FAT1: variants seen among roughly 807,000 people sequenced by gnomAD.
FAT1 encodes protocadherin Fat 1.
Under a neutral mutation model 329.8 loss-of-function variants are expected in FAT1, and 171 were observed. The observed-to-expected ratio is 0.52, with a 90% CI of 0.46 to 0.59. The LOEUF (loss-of-function observed/expected upper bound fraction) is 0.59. Ranked by LOEUF, FAT1 falls within the 20% of genes least tolerant of loss-of-function variation. FAT1 has a pLI of 0.00. For synonymous variants in FAT1, 2,233 were observed against 2,228.6 expected, an observed-to-expected ratio of 1.00 and a Z score of -0.06; for missense variants, 5,672 against 5,774.4, an observed-to-expected ratio of 0.98 and a Z score of 0.57.
chr4:186,665,834 C>T (rs1742411326), intron 2 of FAT1, among the ~76,000 whole-genome samples: 1 of 152,084 alleles, frequency 6.6e-6, no homozygotes, highest in African/African-American at 2.4e-5. Context: ...GGCACCTACA[C>T]ACCATGGAAT....
intron 2 of FAT1, among the ~76,000 whole-genome samples, chr4:186,696,333 T>C (rs1031632720): frequency 3.3e-5 from 5 of 152,198 alleles, no homozygotes; most frequent in African/African-American, 1.2e-4. Flanking sequence ...AATAACTGAT[T>C]TCCATTTTGT....
intron 2 of FAT1, among the ~76,000 whole-genome samples, chr4:186,668,109 C>CTA (rs1470637865): frequency 1.3e-5 from 2 of 152,096 alleles, no homozygotes; most frequent in African/African-American, 4.8e-5. Context: ...TACCTAGGCG[C>CTA]TATTATAGGC....
chr4:186,667,020 C>G (rs773506950), intron 2 of FAT1, among the ~76,000 whole-genome samples: 1 of 152,230 alleles, frequency 6.6e-6, no homozygotes, highest in Non-Finnish European at 1.5e-5. Context: ...CTATTTCATC[C>G]ACCTGTTCTA....
chr4:186,605,920 C>G, intron 17 of FAT1, 150 bp downstream of exon 17: 1 of 686,166 alleles, frequency 1.5e-6, no homozygotes, highest in Non-Finnish European at 2.5e-6. Flanking sequence ...CTTTAAAATG[C>G]TCATCTTTTA....
intron 24 of FAT1, among the ~76,000 whole-genome samples, chr4:186,597,473 AGTTT>A (rs1219051162): frequency 6.6e-6 from 1 of 152,104 alleles, no homozygotes; most frequent in African/African-American, 2.4e-5. Flanking sequence ...GCTAAACATT[AGTTT>A]TTTTCAAGTA....
intron 9 of FAT1, 34 bp downstream of exon 9, chr4:186,628,120 A>C: frequency 6.3e-7 from 1 of 1,598,826 alleles, no homozygotes; most frequent in Non-Finnish European, 8.5e-7. Context: ...TAACAACTGC[A>C]AATTTAAAAT....
chr4:186,612,483 A>C (rs1388671436), intron 13 of FAT1, among the ~76,000 whole-genome samples: 1 of 152,148 alleles, frequency 6.6e-6, no homozygotes. Flanking sequence ...TGCAGAACCG[A>C]TGCTTTAAAA....
rs566907089 is a variant in FAT1 at position 186,708,190 on chromosome 4, C to T, written c.1638G>A (p.Pro546=). 174 of 1,613,964 alleles carry T rather than the reference C, an allele frequency of 1.1e-4. 1 individual carries two copies. Among genetic ancestry groups the T allele is most frequent in the South Asian group, 3.6e-4 (33 of 91,078 alleles). ...LRIRASDWGL[P]YRREVEVLAT... is the part of the protein sequence containing the mutation. Reference sequence around the variant, plus strand: ...CAAGGACTTCGACTTCCCGGCGGTACGGCAAGCCCCAGTCTGATGCACGAA... The same window carrying T: ...CAAGGACTTCGACTTCCCGGCGGTATGGCAAGCCCCAGTCTGATGCACGAA... The change falls in exon 2 of 27, where the codon CCG becomes CCA. Residue 546 remains proline (P), a synonymous_variant. Transcript: ENST00000441802.
chr4:186,641,699 T>C (rs2126575332), intron 3 of FAT1, among the ~76,000 whole-genome samples: 1 of 152,288 alleles, frequency 6.6e-6, no homozygotes, highest in South Asian at 2.1e-4. Context: ...TGTACCTGTG[T>C]CCATACTACC....
chr4:186,701,993 CCGACCCCCACACAGG>C (rs1242536040), intron 2 of FAT1, among the ~76,000 whole-genome samples: 2 of 99,092 alleles, frequency 2.0e-5, no homozygotes, highest in African/African-American at 1.1e-4. Flanking sequence ...AGGCCAGGAG[CCGACCCCCACACAGG>C]TGACACAGAC....
intron 18 of FAT1, among the ~76,000 whole-genome samples, 196 bp downstream of exon 18, chr4:186,604,181 C>G (rs148797482): frequency 1.5e-3 from 222 of 152,278 alleles, no homozygotes; most frequent in African/African-American, 5.2e-3. Context: ...CTGTCAATGA[C>G]TATGACAGAA....
chr4:186,588,550 T>A lies in FAT1; in HGVS notation c.*42A>T. 6.3e-7 allele frequency: 1 copy of A among 1,579,024 alleles called. No homozygotes were observed. Among genetic ancestry groups the A allele is most frequent in the Non-Finnish European group, 8.6e-7 (1 of 1,164,510 alleles). On this transcript the variant is annotated 3_prime_UTR_variant, in exon 27 of 27. Coordinates refer to ENST00000441802, the MANE Select transcript of FAT1 (RefSeq NM_005245.4). ...AACAGCGCGGATTACTCACATCACC[T>A]CTAGGTTCACTAAAGTCAGGCACTT...
chr4:186,667,988 G>A (rs1742534204), intron 2 of FAT1, among the ~76,000 whole-genome samples: 1 of 152,132 alleles, frequency 6.6e-6, no homozygotes, highest in African/African-American at 2.4e-5. Context: ...CTATAACCAT[G>A]AGGAAAGGCC....
intron 3 of FAT1, among the ~76,000 whole-genome samples, chr4:186,651,667 C>T (rs1052018101): frequency 6.6e-6 from 1 of 152,162 alleles, no homozygotes; most frequent in Non-Finnish European, 1.5e-5. Context: ...ACTAGTCCAC[C>T]GGCAGGGAGG....
intron 20 of FAT1, among the ~76,000 whole-genome samples, chr4:186,602,579 C>G (rs1393766564): frequency 6.6e-6 from 1 of 152,140 alleles, no homozygotes; most frequent in Non-Finnish European, 1.5e-5. Context: ...AGGGAAAAGG[C>G]AACAGGGAGA....
At position 186,707,807 on chromosome 4, in the gene FAT1, C is replaced by A. The variant is rs773076645; in HGVS notation, c.2021G>T (p.Cys674Phe). The A allele has an allele frequency of 6.2e-7, 1 of 1,613,708 alleles. No individual in the cohort carries two copies. Among genetic ancestry groups the A allele is most frequent in the Non-Finnish European group, 8.5e-7 (1 of 1,179,884 alleles). Residue 674 changes from cysteine (C) to phenylalanine (F), a missense_variant, in exon 2 of 27, where the codon TGT becomes TTT. Cys to Phe is a radical substitution (Grantham distance 205). Coordinates refer to ENST00000441802, the MANE Select transcript of FAT1 (RefSeq NM_005245.4). ...AASHKLVNLQCEETGVAKMLA... is the reference protein window; with the variant it reads ...AASHKLVNLQFEETGVAKMLA... ...CATTTTGGCAACACCAGTCTCTTCA[C>A]ACTGCAAGTTTACCAGCTTGTGACT...
At chr4:186,647,718 CTT>C (rs1741446134) in intron 3 of FAT1, among the ~76,000 whole-genome samples, 1 of 152,124 alleles carries the variant, frequency 6.6e-6, no homozygotes, top group South Asian at 2.1e-4. Flanking sequence ...CTCTGAAACA[CTT>C]TCATATATTC....
rs1738107396 is a variant in FAT1, at chr4:186,589,049, G to A, written c.13310C>T (p.Pro4437Leu). Residue 4437 changes from proline (P) to leucine (L), a missense_variant, in exon 27 of 27, where the codon CCA becomes CTA. Physicochemically the swap from Pro to Leu is moderately conservative, Grantham distance 98. This residue lies in a region of FAT1 where 1,706 missense variants were observed against 1,859.1 expected (regional missense o/e 0.92). Coordinates refer to ENST00000441802, the MANE Select transcript of FAT1 (RefSeq NM_005245.4). The part of the protein sequence containing the change: ...GGYDIESDFP[P>L]PPEDFPAADE... Reference sequence around the variant, plus strand: ...AGCTGCGGGGAAGTCTTCTGGGGGTGGAGGAAAATCACTTTCGATGTCGTA... The same window carrying A: ...AGCTGCGGGGAAGTCTTCTGGGGGTAGAGGAAAATCACTTTCGATGTCGTA... 3.1e-6 allele frequency: 5 copies of A among 1,613,924 alleles called. No homozygotes were observed. The highest frequency in any genetic ancestry group is 3.4e-6 in the Non-Finnish European group (4 of 1,179,880).
intron 3 of FAT1, among the ~76,000 whole-genome samples, chr4:186,653,309 AAC>A (rs1741753669): frequency 6.6e-6 from 1 of 152,170 alleles, no homozygotes; most frequent in African/African-American, 2.4e-5. Flanking sequence ...GAAGAGATCT[AAC>A]AGTCTACTAA....
Sources: allele counts gnomAD v4.1 joint callset (sites outside exome capture counted in the v4.1 genomes callset), GRCh38; gene constraint gnomAD v4.1.1; regional missense constraint gnomAD v4.1.1; transcripts MANE v1.5; gene names NCBI Gene and HGNC (gene_info 2026-07-23, HGNC 2026-07-21).